NAALADL2: variants seen among roughly 807,000 people sequenced by gnomAD.
The protein encoded by NAALADL2 is inactive N-acetylated-alpha-linked acidic dipeptidase-like protein 2.
A neutral mutation model predicts 87.2 loss-of-function variants in NAALADL2; 76 were observed. The ratio of observed to expected loss-of-function variants is 0.87; its 90% CI spans 0.72 to 1.05. The LOEUF (loss-of-function observed/expected upper bound fraction) is 1.05, where lower values mean the gene tolerates loss of function less well. Among genes scored for constraint, NAALADL2 ranks in the 50% least tolerant of loss-of-function variants. The pLI is 0.00. For missense variants in NAALADL2, 1,089 were observed against 945.8 expected (o/e 1.15, Z -1.99); for synonymous variants, 354 against 331.0 (o/e 1.07, Z -0.75).
intron 1 of NAALADL2, among the ~76,000 whole-genome samples, chr3:175,090,141 G>A (rs1047937676): frequency 2.0e-4 from 31 of 151,914 alleles, no homozygotes; most frequent in African/African-American, 7.5e-4. Context: ...GGTGGAATTG[G>A]ACAACAAAAA....
intron 1 of NAALADL2, among the ~76,000 whole-genome samples, chr3:175,060,877 A>G (rs1223531663): frequency 6.6e-6 from 1 of 152,114 alleles, no homozygotes; most frequent in African/African-American, 2.4e-5. Context: ...GAGAAATCCC[A>G]TCTCTACTAA....
At chr3:175,772,830 G>A (rs553743168) in intron 13 of NAALADL2, among the ~76,000 whole-genome samples, 1 of 152,082 alleles carries the variant, frequency 6.6e-6, no homozygotes, top group East Asian at 1.9e-4. Context: ...TAACTTCTGT[G>A]ACATTTTAGT....
intron 2 of NAALADL2, among the ~76,000 whole-genome samples, chr3:174,578,111 G>A (rs552568391): frequency 2.0e-4 from 31 of 152,074 alleles, no homozygotes; most frequent in Non-Finnish European, 1.5e-5. Context: ...GTTTTAAAAA[G>A]TTAACGTATT....
intron 2 of NAALADL2, among the ~76,000 whole-genome samples, chr3:174,705,898 G>A (rs1363520252): frequency 6.6e-6 from 1 of 152,062 alleles, no homozygotes; most frequent in Non-Finnish European, 1.5e-5. Context: ...ATGCATATAG[G>A]TATTAGCAAA....
intron 10 of NAALADL2, among the ~76,000 whole-genome samples, chr3:175,579,482 T>A (rs138034385): frequency 3.0e-4 from 46 of 152,338 alleles, no homozygotes; most frequent in Middle Eastern, 6.8e-3. Context: ...AAAACACCTT[T>A]GATCTTTAGC....
chr3:175,236,661 G>A (rs1745949944), intron 3 of NAALADL2, among the ~76,000 whole-genome samples: 1 of 152,146 alleles, frequency 6.6e-6, no homozygotes, highest in South Asian at 2.1e-4. Flanking sequence ...AATAATGGAG[G>A]TGGTGGTGGA....
At chr3:175,564,986 T>C (rs1260192885) in intron 9 of NAALADL2, among the ~76,000 whole-genome samples, 1 of 152,254 alleles carries the variant, frequency 6.6e-6, no homozygotes, top group Non-Finnish European at 1.5e-5. Flanking sequence ...CATGGAGTCT[T>C]TTAATCTAAT....
chr3:175,640,279 T>C (rs748863374), intron 11 of NAALADL2, among the ~76,000 whole-genome samples: 3 of 152,094 alleles, frequency 2.0e-5, no homozygotes, highest in Non-Finnish European at 4.4e-5. Context: ...CCACAAATGA[T>C]GTAGAAAAGT....
In NAALADL2 at chr3:175,520,549, C is replaced by T. The variant is rs1325248675; in HGVS notation, c.1653+48791C>T. 2.0e-5 allele frequency among the ~76,000 whole-genome samples: 3 copies of T among 152,202 alleles called. No individual in the cohort carries two copies. In the East Asian group the frequency reaches 5.8e-4, roughly 29 times the overall value. The stretch of plus-strand genomic sequence containing the variant: ...TCCTGACCTCATGATCCACCCGCCT[C>T]GGCCTCCCAAAGTGTTGGGATTACA... On this transcript the variant is annotated intron_variant, in intron 9 of 13. Transcript: ENST00000454872.
At chr3:175,343,524 G>A (rs1423715332) in intron 5 of NAALADL2, among the ~76,000 whole-genome samples, 1 of 151,976 alleles carries the variant, frequency 6.6e-6, no homozygotes, top group Non-Finnish European at 1.5e-5. Flanking sequence ...ATTAAGCAAG[G>A]ACACTTAGAC....
chr3:175,221,754 A>C (rs978925407), intron 2 of NAALADL2, among the ~76,000 whole-genome samples: 1 of 129,276 alleles, frequency 7.7e-6, no homozygotes, highest in East Asian at 2.4e-4. Context: ...GTAGATATTC[A>C]GTGGTTATTT....
intron 10 of NAALADL2, among the ~76,000 whole-genome samples, chr3:175,624,031 T>G (rs536616346): frequency 6.6e-6 from 1 of 152,082 alleles, no homozygotes; most frequent in African/African-American, 2.4e-5. Context: ...CTGTGTTAGG[T>G]ACAAACAAGT....
intron 2 of NAALADL2, among the ~76,000 whole-genome samples, chr3:175,155,650 C>A (rs546122318): frequency 3.2e-4 from 48 of 151,922 alleles, no homozygotes; most frequent in African/African-American, 1.1e-3. Flanking sequence ...TGATTATTAG[C>A]CATCCTGTTT....
In NAALADL2 at chr3:175,558,214, A is replaced by AAG. The variant is rs1553921882; in HGVS notation, c.1654-17826_1654-17825insGA. Among the ~76,000 whole-genome samples the AAG allele has an allele frequency of 7.5e-5, 11 of 146,422 alleles. No individual in the cohort carries two copies. The East Asian group carries it at 1.6e-3, about 21-fold the overall frequency. On this transcript the variant is annotated intron_variant, in intron 9 of 13. Transcript: ENST00000454872. ...CGTCTCAAAAAAAAAAAAAAAAAAAAAAAGAAAGAAAGAAAGAAAAATGTC... is the reference window on the plus strand; with the variant it reads ...CGTCTCAAAAAAAAAAAAAAAAAAAAAGAAAGAAAGAAAGAAAGAAAAATGTC...
At chr3:175,661,853 GTCCGT>G (rs1732303892) in intron 11 of NAALADL2, among the ~76,000 whole-genome samples, 1 of 151,840 alleles carries the variant, frequency 6.6e-6, no homozygotes, top group African/African-American at 2.4e-5. Flanking sequence ...TGGTCTGTGG[GTCCGT>G]TTTTATGCCA....
At chr3:174,609,015 A>G (rs1489190122) in intron 2 of NAALADL2, among the ~76,000 whole-genome samples, 1 of 151,534 alleles carries the variant, frequency 6.6e-6, no homozygotes, top group Non-Finnish European at 1.5e-5. Context: ...CAATATACGC[A>G]AATCAATAAA....
intron 1 of NAALADL2, among the ~76,000 whole-genome samples, chr3:174,978,590 C>G (rs892196701): frequency 6.6e-6 from 1 of 152,132 alleles, no homozygotes; most frequent in African/African-American, 2.4e-5. Context: ...TAATCATGCC[C>G]TTTTAATACT....
At chr3:175,710,125 T>C (rs1740323593) in intron 11 of NAALADL2, among the ~76,000 whole-genome samples, 3 of 151,744 alleles carry the variant, frequency 2.0e-5, no homozygotes, top group Admixed American at 6.6e-5. Context: ...TGGGGAGAGA[T>C]AGATAACTGA....
intron 3 of NAALADL2, among the ~76,000 whole-genome samples, chr3:175,250,244 T>C (rs181802621): frequency 6.1e-4 from 74 of 121,696 alleles, no homozygotes; most frequent in African/African-American, 2.2e-3. Context: ...TCTTTTTCTC[T>C]CACTTTTTCT....
Sources: gnomAD v4.1 joint callset for allele counts (sites outside exome capture counted in the v4.1 genomes callset) on GRCh38, gnomAD v4.1.1 for gene constraint, MANE v1.5 for transcripts, NCBI Gene and HGNC (gene_info 2026-07-23, HGNC 2026-07-21) for gene names.